The following SPIDR variants were observed in gnomAD, a reference collection of about 807,000 sequenced individuals.
SPIDR encodes DNA repair-scaffolding protein.
A neutral mutation model predicts 104.6 loss-of-function variants in SPIDR; 93 were observed. The observed-to-expected ratio is 0.89, with a 90% CI of 0.75 to 1.06. The LOEUF (loss-of-function observed/expected upper bound fraction) is 1.06, where lower values mean the gene tolerates loss of function less well. Ranked by LOEUF, SPIDR falls within the 50% of genes least tolerant of loss-of-function variation. The pLI is 0.00. For missense variants in SPIDR, 1,154 were observed against 1,111.2 expected (o/e 1.04, Z -0.55); for synonymous variants, 431 against 416.9 (o/e 1.03, Z -0.41).
intron 9 of SPIDR, among the ~76,000 whole-genome samples, chr8:47,596,987 C>T (rs905601608): frequency 2.6e-5 from 4 of 152,160 alleles, no homozygotes; most frequent in Non-Finnish European, 5.9e-5. Flanking sequence ...CAGTAACATG[C>T]ATGAAGCTGT....
intron 8 of SPIDR, among the ~76,000 whole-genome samples, chr8:47,477,639 T>C (rs1035261637): frequency 6.6e-6 from 1 of 152,264 alleles, no homozygotes; most frequent in South Asian, 2.1e-4. Flanking sequence ...TTTAAGCTAC[T>C]GCTCAATAAA....
chr8:47,701,367 C>T (rs1302028714), intron 12 of SPIDR, among the ~76,000 whole-genome samples: 1 of 152,040 alleles, frequency 6.6e-6, no homozygotes, highest in Non-Finnish European at 1.5e-5. Flanking sequence ...ATGAGGCAGA[C>T]GTTGTAGTGA....
chr8:47,445,425 G>A (rs1201939964), intron 8 of SPIDR, among the ~76,000 whole-genome samples: 7 of 152,120 alleles, frequency 4.6e-5, no homozygotes, highest in Admixed American at 4.6e-4. Flanking sequence ...CTGCTCCATT[G>A]ACCGGATGTT....
chr8:47,397,780 G>A (rs1338325444), intron 6 of SPIDR, among the ~76,000 whole-genome samples: 1 of 152,178 alleles, frequency 6.6e-6, no homozygotes, highest in Non-Finnish European at 1.5e-5. Flanking sequence ...AGGCAGGAGG[G>A]TTTCGATTAC....
At chr8:47,707,665 T>C (rs1401441290) in intron 14 of SPIDR, among the ~76,000 whole-genome samples, 1 of 152,204 alleles carries the variant, frequency 6.6e-6, no homozygotes, top group East Asian at 1.9e-4. Flanking sequence ...AAGTCAAGTC[T>C]CTTTGCCTAG....
chr8:47,701,974 C>T lies in SPIDR; in HGVS notation c.1936C>T (p.Arg646Cys), dbSNP rs747279596. Residue 646 changes from arginine to cysteine, a missense_variant, in exon 14 of 20, where the codon CGT (arginine) becomes TGT (cysteine). Physicochemically the swap from Arg to Cys is radical, Grantham distance 180. Transcript: ENST00000297423. Reference protein sequence around the residue: ...DILQMNDLGTRCSFYATVIYQ... With the variant: ...DILQMNDLGTCCSFYATVIYQ... ...TTTCCAGATGAATGATCTTGGTACCCGTTGCAGTTTCTATGCCACGGTGAT... is the reference window on the plus strand; with the variant it reads ...TTTCCAGATGAATGATCTTGGTACCTGTTGCAGTTTCTATGCCACGGTGAT... 1.3e-5 allele frequency: 21 copies of T among 1,613,804 alleles called. No individual in the cohort carries two copies. The highest frequency in any genetic ancestry group is 9.9e-5 in the South Asian group (9 of 91,068).
intron 8 of SPIDR, among the ~76,000 whole-genome samples, chr8:47,562,768 G>A (rs2057238808): frequency 6.6e-6 from 1 of 152,126 alleles, no homozygotes; most frequent in Non-Finnish European, 1.5e-5. Context: ...GGGAAGAAGG[G>A]AAGAGAACAG....
chr8:47,699,836 T>C lies in SPIDR; in HGVS notation c.1686-567T>C, dbSNP rs1589305070. ...TCCCAAAGTGCTGGGATTATAGGCA[T>C]GAGCCACCGCACCCAGCCCAGATAA... On this transcript the variant is annotated intron_variant, in intron 11 of 19. Transcript: ENST00000297423. Among the ~76,000 whole-genome samples, 4 of 152,362 alleles carry C rather than the reference T, an allele frequency of 2.6e-5. No individual in the cohort carries two copies. In the East Asian group the frequency reaches 7.7e-4, roughly 29 times the overall value.
intron 14 of SPIDR, among the ~76,000 whole-genome samples, chr8:47,702,557 G>T (rs1167742044): frequency 6.6e-6 from 1 of 152,168 alleles, no homozygotes; most frequent in Non-Finnish European, 1.5e-5. Flanking sequence ...GCCTAGAGGA[G>T]CTTGCTATCA....
chr8:47,293,906 G>C lies in SPIDR; in HGVS notation c.401G>C (p.Arg134Thr). 1 of 1,613,816 alleles carries C rather than the reference G, an allele frequency of 6.2e-7. No individual in the cohort carries two copies. Residue 134 changes from arginine (R) to threonine (T), a missense_variant, in exon 5 of 20, where the codon AGG becomes ACG. Arg to Thr is a moderately conservative substitution (Grantham distance 71, BLOSUM62 -1). Transcript: ENST00000297423. The part of the protein sequence containing the change: ...QFIDWEIDSD[R>T]AEASDCDEFE... ...ATCGACTGGGAGATTGACAGTGACAGGGCAGAGGCTAGTGACTGTGATGAA... is the reference window on the plus strand; with the variant it reads ...ATCGACTGGGAGATTGACAGTGACACGGCAGAGGCTAGTGACTGTGATGAA...
chr8:47,624,413 A>G (rs1462085329), intron 10 of SPIDR, among the ~76,000 whole-genome samples: 1 of 152,226 alleles, frequency 6.6e-6, no homozygotes, highest in Non-Finnish European at 1.5e-5. Context: ...AGACAGAGAC[A>G]CAAAAAACCC....
chr8:47,623,944 C>T (rs1040594299), intron 10 of SPIDR, among the ~76,000 whole-genome samples: 2 of 152,198 alleles, frequency 1.3e-5, no homozygotes, highest in African/African-American at 4.8e-5. Flanking sequence ...TTCTTTTCAG[C>T]ACCACAACAC....
At chr8:47,384,922 C>A (rs1452165829) in intron 5 of SPIDR, among the ~76,000 whole-genome samples, 1 of 152,176 alleles carries the variant, frequency 6.6e-6, no homozygotes, top group African/African-American at 2.4e-5. Flanking sequence ...AATGTGTCCT[C>A]TCCTACCCAT....
chr8:47,712,652 C>T lies in SPIDR; in HGVS notation c.1978-10C>T, dbSNP rs549316307. The T allele has an allele frequency of 2.3e-4, 375 of 1,610,834 alleles. 6 individuals are homozygous for T. The South Asian group carries it at 3.8e-3, about 16-fold the overall frequency. On this transcript the variant is annotated splice_polypyrimidine_tract_variant and intron_variant, in intron 14 of 19. Transcript: ENST00000297423. The stretch of plus-strand genomic sequence containing the variant: ...TAATAATTAATCTTTATTGTGTCTT[C>T]AAATTGTAGCTGAAGAGTCTGCTGC...
At chr8:47,471,241 A>G (rs2075661397) in intron 8 of SPIDR, among the ~76,000 whole-genome samples, 1 of 152,014 alleles carries the variant, frequency 6.6e-6, no homozygotes, top group African/African-American at 2.4e-5. Flanking sequence ...AAGTCAACCC[A>G]TACAGTGTGA....
chr8:47,411,831 A>G (rs915502813), intron 7 of SPIDR, among the ~76,000 whole-genome samples: 8 of 152,282 alleles, frequency 5.3e-5, no homozygotes, highest in African/African-American at 1.9e-4. Context: ...TAATTTTTGT[A>G]TAAGGTGTAA....
chr8:47,306,961 C>A (rs587728139), intron 5 of SPIDR, among the ~76,000 whole-genome samples: 1 of 152,216 alleles, frequency 6.6e-6, no homozygotes, highest in African/African-American at 2.4e-5. Context: ...TTTTAATTTT[C>A]AAACTGTGTC....
In SPIDR at chr8:47,516,010, C is replaced by T. The variant is rs1332656740; in HGVS notation, c.1097+75468C>T. On this transcript the variant is annotated intron_variant, in intron 8 of 19. Transcript: ENST00000297423. ...ATTTTTAGTAGATACAGGGTTTCACCGTATTAGCCAGGATGGTCTCGATCT... is the reference window on the plus strand; with the variant it reads ...ATTTTTAGTAGATACAGGGTTTCACTGTATTAGCCAGGATGGTCTCGATCT... Among the ~76,000 whole-genome samples, 4 of 152,210 alleles carry T rather than the reference C, an allele frequency of 2.6e-5. No individual in the cohort carries two copies. The East Asian group carries it at 5.8e-4, about 22-fold the overall frequency.
chr8:47,487,008 C>A (rs1379395109), intron 8 of SPIDR, among the ~76,000 whole-genome samples: 1 of 152,114 alleles, frequency 6.6e-6, no homozygotes, highest in East Asian at 1.9e-4. Flanking sequence ...CAATATTAAC[C>A]TTAAATGTAA....
Sources: allele counts gnomAD v4.1 joint callset (sites outside exome capture counted in the v4.1 genomes callset), GRCh38; gene constraint gnomAD v4.1.1; transcripts MANE v1.5; gene names NCBI Gene and HGNC (gene_info 2026-07-23, HGNC 2026-07-21).